The following NOS1AP variants were observed in gnomAD, a reference collection of about 807,000 sequenced individuals.
The protein encoded by NOS1AP is nitric oxide synthase 1 adaptor protein, also known as carboxyl-terminal PDZ ligand of neuronal nitric oxide synthase protein.
A neutral mutation model predicts 56.2 loss-of-function variants in NOS1AP; 21 were observed. The ratio of observed to expected loss-of-function variants is 0.37; its 90% confidence interval spans 0.26 to 0.54. The LOEUF is 0.54. Ranked by LOEUF, NOS1AP falls within the 20% of genes least tolerant of loss-of-function variation. The pLI, the probability that NOS1AP is intolerant of heterozygous loss-of-function variation, is 0.84. For missense variants in NOS1AP, 522 were observed against 657.8 expected (o/e 0.79, Z 2.26); for synonymous variants, 270 against 274.6 (o/e 0.98, Z 0.17).
At chr1:162,234,716 A>G (rs1055253405) in intron 2 of NOS1AP, among the ~76,000 whole-genome samples, 14 of 151,952 alleles carry the variant, frequency 9.2e-5, no homozygotes, top group African/African-American at 3.4e-4. Flanking sequence ...TGCTGCCATA[A>G]CTCCTGAGTC....
chr1:162,339,414 A>G (rs59221566), intron 5 of NOS1AP, among the ~76,000 whole-genome samples: 1 of 140,132 alleles, frequency 7.1e-6, no homozygotes, highest in Non-Finnish European at 1.5e-5. Flanking sequence ...AAAAAAAAAA[A>G]ATCTAGTAAA....
chr1:162,104,239 G>A (rs10737537), intron 1 of NOS1AP, among the ~76,000 whole-genome samples: 147,643 of 152,312 alleles, frequency 0.97, 71,731 homozygotes, highest in East Asian at 1. Flanking sequence ...TTGGCCCCCA[G>A]TCTCTTCTGG....
intron 6 of NOS1AP, among the ~76,000 whole-genome samples, chr1:162,350,934 A>G (rs1657470178): frequency 1.3e-5 from 2 of 152,234 alleles, no homozygotes; most frequent in East Asian, 1.9e-4. Flanking sequence ...CTTTTTGAGC[A>G]CCGACATGAC....
chr1:162,252,972 G>A lies in NOS1AP; in HGVS notation c.178-34372G>A, dbSNP rs544768406. ...CTTCTATAGCACTTGGTATATGCTG[G>A]TACATGCCTGGTGCCTAATTGGTCT... On this transcript the variant is annotated intron_variant, in intron 2 of 9. Coordinates refer to ENST00000361897, the MANE Select transcript of NOS1AP (RefSeq NM_014697.3). Among the ~76,000 whole-genome samples, 8 of 152,216 alleles carry A rather than the reference G, an allele frequency of 5.3e-5. No individual in the cohort carries two copies. In the East Asian group the frequency reaches 1.5e-3, roughly 29 times the overall value.
intron 6 of NOS1AP, among the ~76,000 whole-genome samples, chr1:162,352,711 C>T (rs144162064): frequency 6.6e-6 from 1 of 152,050 alleles, no homozygotes; most frequent in Non-Finnish European, 1.5e-5. Flanking sequence ...TCTCCTACAT[C>T]GCTTCTTATA....
intron 2 of NOS1AP, 113 bp downstream of exon 2, chr1:162,154,589 A>T (rs116468307): frequency 1.2e-6 from 1 of 834,226 alleles, no homozygotes; most frequent in African/African-American, 1.7e-5. Context: ...TTGCAAACCC[A>T]AACTCCTCCT....
chr1:162,250,803 G>A (rs1224049858), intron 2 of NOS1AP, among the ~76,000 whole-genome samples: 1 of 152,144 alleles, frequency 6.6e-6, no homozygotes, highest in Non-Finnish European at 1.5e-5. Flanking sequence ...CCTATAGCTT[G>A]AGTTCTTCCT....
At chr1:162,115,771 G>T (rs1207379003) in intron 1 of NOS1AP, among the ~76,000 whole-genome samples, 4 of 152,196 alleles carry the variant, frequency 2.6e-5, no homozygotes, top group Admixed American at 6.5e-5. Flanking sequence ...CAGGGAGGAG[G>T]AAGAGAATGA....
intron 2 of NOS1AP, among the ~76,000 whole-genome samples, chr1:162,202,259 C>T (rs4626861): frequency 0.99 from 150,073 of 152,306 alleles, 73,976 homozygotes; most frequent in East Asian, 1. Context: ...ATTCTTATTG[C>T]AGAGCATTTG....
chr1:162,216,878 C>T (rs1352448571), intron 2 of NOS1AP, among the ~76,000 whole-genome samples: 1 of 152,134 alleles, frequency 6.6e-6, no homozygotes, highest in Non-Finnish European at 1.5e-5. Context: ...GACAGCATAG[C>T]AGTACTTATA....
intron 2 of NOS1AP, among the ~76,000 whole-genome samples, chr1:162,235,451 C>A (rs1653260368): frequency 6.6e-6 from 1 of 152,186 alleles, no homozygotes; most frequent in Middle Eastern, 3.2e-3. Flanking sequence ...GATCTCTGCA[C>A]CTTGCAGGTC....
chr1:162,208,600 A>G (rs1652243500), intron 2 of NOS1AP, among the ~76,000 whole-genome samples: 3 of 152,138 alleles, frequency 2.0e-5, no homozygotes, highest in Admixed American at 2.0e-4. Flanking sequence ...CCTGGCCTCT[A>G]TCCATTATAT....
At chr1:162,282,351 C>T (rs568281628) in intron 2 of NOS1AP, among the ~76,000 whole-genome samples, 2 of 152,290 alleles carry the variant, frequency 1.3e-5, no homozygotes, top group South Asian at 4.1e-4. Flanking sequence ...CATTTGTCAT[C>T]AAGATTCAAC....
intron 1 of NOS1AP, among the ~76,000 whole-genome samples, chr1:162,080,476 C>G (rs1030708322): frequency 5.9e-5 from 9 of 152,260 alleles, no homozygotes; most frequent in Non-Finnish European, 8.8e-5. Flanking sequence ...ACCTGGGAAT[C>G]CCTACCAAGG....
chr1:162,241,189 C>T (rs148301372), intron 2 of NOS1AP, among the ~76,000 whole-genome samples: 2 of 152,192 alleles, frequency 1.3e-5, no homozygotes, highest in African/African-American at 2.4e-5. Flanking sequence ...TGAAAGATGA[C>T]CAAGAATTAG....
intron 2 of NOS1AP, among the ~76,000 whole-genome samples, chr1:162,268,321 CCT>C (rs60945569): frequency 0.18 from 27,156 of 151,714 alleles, 2,910 homozygotes; most frequent in East Asian, 0.41. Flanking sequence ...GCTCCCCCCC[CCT>C]ATTTCTAGAA....
chr1:162,343,004 G>A (rs1657160093), intron 5 of NOS1AP, among the ~76,000 whole-genome samples: 1 of 152,134 alleles, frequency 6.6e-6, no homozygotes, highest in Admixed American at 6.5e-5. Flanking sequence ...TTGAAAGAAA[G>A]CAAAAGCTGA....
intron 1 of NOS1AP, among the ~76,000 whole-genome samples, chr1:162,140,098 G>C (rs1241837352): frequency 6.6e-6 from 1 of 152,110 alleles, no homozygotes; most frequent in South Asian, 2.1e-4. Flanking sequence ...CATAGTGCTG[G>C]GTTTACAGGT....
intron 2 of NOS1AP, among the ~76,000 whole-genome samples, chr1:162,176,067 C>G (rs1018428016): frequency 2.6e-5 from 4 of 152,180 alleles, no homozygotes; most frequent in Non-Finnish European, 5.9e-5. Flanking sequence ...CTTACTGTCT[C>G]ACTTCTTCAG....
Sources: allele counts gnomAD v4.1 joint callset (sites outside exome capture counted in the v4.1 genomes callset), GRCh38; gene constraint gnomAD v4.1.1; transcripts MANE v1.5; gene names NCBI Gene and HGNC (gene_info 2026-07-23, HGNC 2026-07-21).